The following TRAPPC9 variants were observed in gnomAD, a reference collection of about 807,000 sequenced individuals.
TRAPPC9 encodes IKK2 binding protein.
In TRAPPC9, 83 loss-of-function variants were observed where a neutral mutation model predicts 124.0. The observed-to-expected ratio is 0.67, with a 90% CI of 0.56 to 0.80. The LOEUF is 0.80. Among genes scored for constraint, TRAPPC9 ranks in the 30% least tolerant of loss-of-function variants. The pLI is 0.00. For missense variants in TRAPPC9, 1,302 were observed against 1,508.3 expected (o/e 0.86, Z 2.27); for synonymous variants, 638 against 617.5 (o/e 1.03, Z -0.49).
At chr8:139,947,894 G>GTGTGTATATA (rs1554678277) in intron 19 of TRAPPC9, among the ~76,000 whole-genome samples, 5 of 65,856 alleles carry the variant, frequency 7.6e-5, no homozygotes, top group African/African-American at 1.7e-4. Context: ...AAATATGTGT[G>GTGTGTATATA]TATATATATA....
intron 21 of TRAPPC9, among the ~76,000 whole-genome samples, chr8:139,809,895 C>T (rs555588111): frequency 1.3e-5 from 2 of 152,170 alleles, no homozygotes; most frequent in African/African-American, 4.8e-5. Flanking sequence ...GAGTGACCCC[C>T]CTTCCTCCCG....
chr8:140,036,822 T>A (rs1220432207), intron 17 of TRAPPC9, among the ~76,000 whole-genome samples: 1 of 152,190 alleles, frequency 6.6e-6, no homozygotes, highest in Non-Finnish European at 1.5e-5. Context: ...CGGAAAATCA[T>A]CACGATCACA....
intron 11 of TRAPPC9, among the ~76,000 whole-genome samples, chr8:140,298,681 G>A (rs746378981): frequency 4.6e-5 from 7 of 152,030 alleles, no homozygotes; most frequent in Non-Finnish European, 8.8e-5. Flanking sequence ...TGTGCTACAC[G>A]TAATGCTCTT....
At chr8:139,935,865 C>T (rs763735499) in intron 19 of TRAPPC9, among the ~76,000 whole-genome samples, 21 of 152,148 alleles carry the variant, frequency 1.4e-4, no homozygotes, top group Non-Finnish European at 2.8e-4. Context: ...CCTCATTCAC[C>T]GATGGGGAAA....
chr8:139,793,216 C>T (rs1483187447), intron 21 of TRAPPC9, among the ~76,000 whole-genome samples: 2 of 152,150 alleles, frequency 1.3e-5, no homozygotes, highest in Admixed American at 6.5e-5. Context: ...TCGGCTGTCC[C>T]CTCCTCTGCA....
rs1043025282 is a variant in TRAPPC9, at chr8:140,222,807, G to A, written c.2432-1224C>T. Among the ~76,000 whole-genome samples the A allele has an allele frequency of 4.6e-5, 7 of 152,196 alleles. No homozygotes were observed. In the South Asian group the frequency reaches 8.3e-4, roughly 18 times the overall value. ...GGAGAAGTCTACCTATGAGTATGGCGAGTATCACAGACTTCCAGTGTAAAC... is the reference window on the plus strand; with the variant it reads ...GGAGAAGTCTACCTATGAGTATGGCAAGTATCACAGACTTCCAGTGTAAAC... On this transcript the variant is annotated intron_variant, in intron 16 of 22. Transcript: ENST00000438773.
intron 19 of TRAPPC9, among the ~76,000 whole-genome samples, chr8:139,965,126 C>T (rs932946726): frequency 2.0e-5 from 3 of 152,200 alleles, no homozygotes; most frequent in Non-Finnish European, 4.4e-5. Flanking sequence ...ACACAGGGCC[C>T]AGCTGCCTTC....
intron 18 of TRAPPC9, among the ~76,000 whole-genome samples, chr8:140,022,633 A>G (rs1182752536): frequency 6.6e-6 from 1 of 152,232 alleles, no homozygotes; most frequent in African/African-American, 2.4e-5. Flanking sequence ...TGAGAGAGAA[A>G]CACACAACAG....
chr8:140,389,377 A>G (rs1456659819), intron 7 of TRAPPC9, among the ~76,000 whole-genome samples: 1 of 152,192 alleles, frequency 6.6e-6, no homozygotes, highest in Non-Finnish European at 1.5e-5. Flanking sequence ...ATAAAACAAT[A>G]AAAGCAATCC....
At chr8:140,207,981 A>G (rs60242029) in intron 17 of TRAPPC9, among the ~76,000 whole-genome samples, 44,755 of 151,904 alleles carry the variant, frequency 0.29, 7,085 homozygotes, top group East Asian at 0.58. Flanking sequence ...GAGAAACCCC[A>G]TCTCTACTAA....
chr8:140,047,575 C>T (rs959617233), intron 17 of TRAPPC9, among the ~76,000 whole-genome samples: 3 of 152,196 alleles, frequency 2.0e-5, no homozygotes, highest in African/African-American at 7.2e-5. Flanking sequence ...AGTGGGCTGG[C>T]TGGGCCCAGC....
intron 2 of TRAPPC9, among the ~76,000 whole-genome samples, chr8:140,441,742 T>G (rs552294582): frequency 1.3e-5 from 2 of 152,296 alleles, no homozygotes; most frequent in Admixed American, 1.3e-4. Flanking sequence ...TATTTATATT[T>G]TTTGTAGAGA....
intron 9 of TRAPPC9, among the ~76,000 whole-genome samples, chr8:140,320,276 C>G (rs2066558272): frequency 6.6e-6 from 1 of 152,198 alleles, no homozygotes; most frequent in African/African-American, 2.4e-5. Context: ...GGCTTTGTCC[C>G]CTGGTGTCTA....
intron 21 of TRAPPC9, among the ~76,000 whole-genome samples, chr8:139,831,023 C>T (rs545837429): frequency 1.3e-5 from 2 of 152,326 alleles, no homozygotes; most frequent in East Asian, 1.9e-4. Context: ...GCAATCACAG[C>T]GACCTTGGGA....
intron 17 of TRAPPC9, among the ~76,000 whole-genome samples, chr8:140,194,757 A>G (rs1312993220): frequency 6.6e-6 from 1 of 152,050 alleles, no homozygotes; most frequent in Admixed American, 6.6e-5. Flanking sequence ...ACACTTACAC[A>G]CCCCTGACCA....
chr8:139,918,597 G>A (rs1001369953), intron 19 of TRAPPC9, among the ~76,000 whole-genome samples: 3 of 152,280 alleles, frequency 2.0e-5, no homozygotes, highest in Non-Finnish European at 4.4e-5. Context: ...GCCAGACACC[G>A]CCTTCCCCGA....
chr8:140,169,391 C>T (rs2061917274), intron 17 of TRAPPC9, among the ~76,000 whole-genome samples: 1 of 152,086 alleles, frequency 6.6e-6, no homozygotes, highest in East Asian at 1.9e-4. Flanking sequence ...AACGGTTCAA[C>T]AGAGAGTCAG....
chr8:140,384,423 A>G (rs2068698575), intron 7 of TRAPPC9, among the ~76,000 whole-genome samples: 1 of 152,188 alleles, frequency 6.6e-6, no homozygotes, highest in Admixed American at 6.5e-5. Flanking sequence ...CCCATCTCAC[A>G]TGCAGAGACA....
At chr8:139,989,021 T>A (rs1355791942) in intron 18 of TRAPPC9, among the ~76,000 whole-genome samples, 185 bp from the exon 19 acceptor site, 1 of 151,952 alleles carries the variant, frequency 6.6e-6, no homozygotes, top group Non-Finnish European at 1.5e-5. Context: ...CTCTAAGGAG[T>A]GGGTGTAGGC....
Sources: gnomAD v4.1 joint callset for allele counts (sites outside exome capture counted in the v4.1 genomes callset) on GRCh38, gnomAD v4.1.1 for gene constraint, MANE v1.5 for transcripts, NCBI Gene and HGNC (gene_info 2026-07-23, HGNC 2026-07-21) for gene names.